GOPC: variants seen among roughly 807,000 people sequenced by gnomAD.
The protein encoded by GOPC is Golgi-associated PDZ and coiled-coil motif-containing protein.
GOPC carries 32 observed loss-of-function variants against 51.2 expected under a neutral mutation model. The ratio of observed to expected loss-of-function variants is 0.63; its 90% CI spans 0.47 to 0.84. GOPC has a LOEUF of 0.84. Ranked by LOEUF, GOPC falls within the 40% of genes least tolerant of loss-of-function variation. The probability of loss-of-function intolerance (pLI) is 0.00; values close to 1 mark genes in which losing one functional copy is unlikely to be tolerated. For missense variants in GOPC, 441 were observed against 555.5 expected, an observed-to-expected ratio of 0.79 and a Z score of 2.07; for synonymous variants, 190 against 205.1, an observed-to-expected ratio of 0.93 and a Z score of 0.63.
At chr6:117,583,098 C>T (rs1445704653) in intron 1 of GOPC, among the ~76,000 whole-genome samples, 1 of 152,110 alleles carries the variant, frequency 6.6e-6, no homozygotes, top group African/African-American at 2.4e-5. Context: ...TGGCCAGTTC[C>T]TACACCTGCT....
At chr6:117,571,389 T>C (rs939824634) in intron 5 of GOPC, among the ~76,000 whole-genome samples, 1 of 152,192 alleles carries the variant, frequency 6.6e-6, no homozygotes, top group Non-Finnish European at 1.5e-5. Context: ...CTTGGTGCTC[T>C]GGAGTCTACC....
chr6:117,569,247 T>G (rs181769676), intron 7 of GOPC, among the ~76,000 whole-genome samples: 22 of 152,352 alleles, frequency 1.4e-4, no homozygotes, highest in African/African-American at 5.3e-4. Flanking sequence ...TGTTGTTTTT[T>G]CAGTCTCAGG....
At chr6:117,577,340 A>G in intron 3 of GOPC, 108 bp downstream of exon 3, 1 of 1,020,830 alleles carries the variant, frequency 9.8e-7, no homozygotes, top group East Asian at 2.6e-5. Flanking sequence ...AATTGCCATT[A>G]TTAATGCTAT....
Position 117,602,463 on chromosome 6 carries a change from G to A in GOPC, c.-175C>T, listed in dbSNP as rs1205914931. The A allele has an allele frequency of 3.1e-6, 2 of 642,244 alleles. No individual in the cohort carries two copies. The highest frequency in any genetic ancestry group is 2.6e-6 in the Non-Finnish European group (1 of 377,996). 39.8% of individuals were successfully genotyped at this position (642,244 alleles called of 1,614,324 possible). ...ACAGAACCGCAGGAGTAACGAGGCT[G>A]AAGCTGAGGCGGCAACGGCGGCGAC... On this transcript the variant is annotated 5_prime_UTR_variant, in exon 1 of 9. Coordinates refer to ENST00000368498, the MANE Select transcript of GOPC (RefSeq NM_020399.4).
At position 117,567,232 on chromosome 6, in the gene GOPC, C is replaced by T. The variant is rs549733678; in HGVS notation, c.1078-198G>A. The stretch of plus-strand genomic sequence containing the variant: ...TGATCAGCCTCGTGAATCCTCTCTA[C>T]AGTTCCTTTAAACATTATAGTAGCT... On this transcript the variant is annotated intron_variant, in intron 7 of 8. Transcript: ENST00000368498. 1.1e-4 allele frequency among the ~76,000 whole-genome samples: 17 copies of T among 152,254 alleles called. No homozygotes were observed. In the South Asian group the frequency reaches 3.3e-3, roughly 30 times the overall value.
intron 1 of GOPC, among the ~76,000 whole-genome samples, chr6:117,591,450 T>C (rs1480038424): frequency 2.0e-5 from 3 of 152,224 alleles, no homozygotes; most frequent in South Asian, 2.1e-4. Flanking sequence ...ACGCTAATTA[T>C]AGTACAATGT....
At chr6:117,572,587 A>T (rs912318851) in intron 5 of GOPC, among the ~76,000 whole-genome samples, 1 of 151,870 alleles carries the variant, frequency 6.6e-6, no homozygotes, top group Non-Finnish European at 1.5e-5. Context: ...CTAAAACCCC[A>T]ACCTCATATT....
Position 117,582,577 on chromosome 6 carries a change from C to T in GOPC, c.286-3513G>A, listed in dbSNP as rs775490310. Among the ~76,000 whole-genome samples, 11 of 151,506 alleles carry T rather than the reference C, an allele frequency of 7.3e-5. 1 individual carries two copies. Among genetic ancestry groups the T allele is most frequent in the East Asian group, 3.9e-4 (2 of 5,070 alleles). ...GTAGAGAGGAGAAGCAGCTGGACTT[C>T]GGGCACAGGCATCATGACTTCAGAG... is the stretch of plus-strand genomic sequence containing the variant. On this transcript the variant is annotated intron_variant, in intron 1 of 8. Transcript: ENST00000368498.
chr6:117,582,494 C>G (rs1193099187), intron 1 of GOPC, among the ~76,000 whole-genome samples: 1 of 151,576 alleles, frequency 6.6e-6, no homozygotes, highest in African/African-American at 2.4e-5. Context: ...TTTTCTAAAA[C>G]TACCTATGGC....
chr6:117,563,389 A>T lies in GOPC; in HGVS notation c.1259-5T>A. On this transcript the variant is annotated splice_region_variant and splice_polypyrimidine_tract_variant and intron_variant, in intron 8 of 8. Coordinates refer to ENST00000368498, the MANE Select transcript of GOPC (RefSeq NM_020399.4). ...TTACTGCCTTCTTATTAAATCCTGA[A>T]AGAAAGGAGAAAAAAAAAGCAGACA... 6.2e-7 allele frequency: 1 copy of T among 1,612,374 alleles called. No individual in the cohort carries two copies. Among genetic ancestry groups the T allele is most frequent in the East Asian group, 2.2e-5 (1 of 44,866 alleles).
At chr6:117,590,674 A>G (rs1780103695) in intron 1 of GOPC, among the ~76,000 whole-genome samples, 1 of 152,050 alleles carries the variant, frequency 6.6e-6, no homozygotes, top group African/African-American at 2.4e-5. Context: ...CAATTCAAAA[A>G]GAGGTAAGGG....
chr6:117,594,853 G>C (rs1022014880), intron 1 of GOPC, among the ~76,000 whole-genome samples: 6 of 152,054 alleles, frequency 3.9e-5, no homozygotes, highest in Non-Finnish European at 8.8e-5. Flanking sequence ...TAAAAAAGGA[G>C]TAACAGGCAG....
At position 117,562,027 on chromosome 6, in the gene GOPC, A is replaced by G. The variant is rs1039738079; in HGVS notation, c.*1227T>C. 6.3e-5 allele frequency: 13 copies of G among 206,020 alleles called. No individual in the cohort carries two copies. The highest frequency in any genetic ancestry group is 2.5e-4 in the African/African-American group (11 of 43,840). 12.8% of individuals were successfully genotyped at this position (206,020 alleles called of 1,614,324 possible). On this transcript the variant is annotated 3_prime_UTR_variant, in exon 9 of 9. Coordinates refer to ENST00000368498, the MANE Select transcript of GOPC (RefSeq NM_020399.4). ...CCTTTAACTGTACGTCCTTTAAAAC[A>G]GTGATATTAGCAAAGCTATCACCTC... is the stretch of plus-strand genomic sequence containing the variant.
intron 1 of GOPC, among the ~76,000 whole-genome samples, chr6:117,586,475 CTTTTTT>C (rs869148559): frequency 4.4e-4 from 40 of 91,934 alleles, no homozygotes; most frequent in Admixed American, 2.7e-3. Flanking sequence ...CACAGAGATT[CTTTTTT>C]TTTTTTTTTT....
At position 117,570,899 on chromosome 6, in the gene GOPC, G is replaced by A. The variant is rs756859372; in HGVS notation, c.873C>T (p.Leu291=). ...QGVGPIRKVL[L]LKEDHEGLGI... The stretch of plus-strand genomic sequence containing the variant: ...CAAGGCCTTCATGATCTTCCTTAAG[G>A]AGGAGAACTTTTCTAATTGGACCAA... Residue 291 remains leucine, a synonymous_variant, in exon 6 of 9, where the codon CTC becomes CTT. Coordinates refer to ENST00000368498, the MANE Select transcript of GOPC (RefSeq NM_020399.4). 1.9e-6 allele frequency: 3 copies of A among 1,597,612 alleles called. No homozygotes were observed. The highest frequency in any genetic ancestry group is 2.6e-6 in the Non-Finnish European group (3 of 1,169,226).
intron 1 of GOPC, among the ~76,000 whole-genome samples, chr6:117,586,725 C>T (rs558237187): frequency 2.0e-5 from 3 of 152,082 alleles, no homozygotes; most frequent in African/African-American, 7.2e-5. Flanking sequence ...TCGTGATCCG[C>T]CCGCCTCAGC....
rs762426295 is a variant in GOPC, at chr6:117,569,758, A to G, written c.913-22T>C. On this transcript the variant is annotated intron_variant, in intron 6 of 8. Coordinates refer to ENST00000368498, the MANE Select transcript of GOPC (RefSeq NM_020399.4). ...CACCCTAACAACAACAAAGGGCAGT[A>G]AATTAAAGTACTCTTTGTAAGGTAC... 2.6e-6 allele frequency: 4 copies of G among 1,554,786 alleles called. No individual in the cohort carries two copies. The South Asian group carries it at 4.9e-5, about 19-fold the overall frequency.
rs1255860767 is a variant in GOPC, at chr6:117,579,043, A to C, written c.307T>G (p.Ser103Ala). 1 of 1,607,500 alleles carries C rather than the reference A, an allele frequency of 6.2e-7. No individual in the cohort carries two copies. Among genetic ancestry groups the C allele is most frequent in the African/African-American group, 1.3e-5 (1 of 74,606 alleles). The change falls in exon 2 of 9, where the codon TCT becomes GCT. Residue 103 changes from serine to alanine, a missense_variant. Ser to Ala is a moderately conservative substitution (Grantham distance 99, BLOSUM62 1). Around this residue, in one of 3 missense-constraint regions of GOPC, gnomAD observed 204 missense variants for 219.8 expected, o/e 0.93. Transcript: ENST00000368498. ...KLEAQLVDLKSELTETQAEKV... is the reference protein window; with the variant it reads ...KLEAQLVDLKAELTETQAEKV... ...TCTGCTTGGGTTTCTGTCAGTTCAG[A>C]TTTCAGATCCACCAACTGTGCCTTA... is the stretch of plus-strand genomic sequence containing the variant.
At chr6:117,593,148 T>C (rs1278803721) in intron 1 of GOPC, among the ~76,000 whole-genome samples, 2 of 152,174 alleles carry the variant, frequency 1.3e-5, no homozygotes, top group East Asian at 1.9e-4. Context: ...CTCTGGCCAA[T>C]TGGCTCTCCC....
Sources: allele counts gnomAD v4.1 joint callset (sites outside exome capture counted in the v4.1 genomes callset), GRCh38; gene constraint gnomAD v4.1.1; regional missense constraint gnomAD v4.1.1; transcripts MANE v1.5; gene names NCBI Gene and HGNC (gene_info 2026-07-23, HGNC 2026-07-21).